VKORC1L1: variants seen among roughly 807,000 people sequenced by gnomAD.
The protein encoded by VKORC1L1 is vitamin K epoxide reductase complex subunit 1L1, also known as vitamin K epoxide reductase complex subunit 1-like protein 1.
A neutral mutation model predicts 18.9 loss-of-function variants in VKORC1L1; 2 were observed. The observed-to-expected ratio is 0.11, with a 90% CI of 0.04 to 0.33. The LOEUF (loss-of-function observed/expected upper bound fraction) is 0.33, where lower values mean the gene tolerates loss of function less well. Ranked by LOEUF, VKORC1L1 falls within the 10% of genes least tolerant of loss-of-function variation. The pLI is 1.00. For missense variants in VKORC1L1, 123 were observed against 224.1 expected, an observed-to-expected ratio of 0.55 and a Z score of 2.88; for synonymous variants, 96 against 100.0, an observed-to-expected ratio of 0.96 and a Z score of 0.24.
At chr7:65,904,417 C>T (rs372942499) in intron 1 of VKORC1L1, among the ~76,000 whole-genome samples, 76 of 152,214 alleles carry the variant, frequency 5.0e-4, no homozygotes, top group African/African-American at 1.8e-3. Flanking sequence ...GTTGGCCAGG[C>T]TGGTCTCAAA....
At chr7:65,935,731 A>G (rs1359713179) in intron 1 of VKORC1L1, among the ~76,000 whole-genome samples, 1 of 152,094 alleles carries the variant, frequency 6.6e-6, no homozygotes, top group Admixed American at 6.6e-5. Flanking sequence ...TAGTTTGGTT[A>G]TGATGTGTCT....
In VKORC1L1 at chr7:65,887,696, C is replaced by T. The variant is rs181115623; in HGVS notation, c.194+14131C>T. The stretch of plus-strand genomic sequence containing the variant: ...ATTCAGTAGAATAATTTGTAAATAC[C>T]TTGCTCCTCCTTCAAAGTTAGTTCT... On this transcript the variant is annotated intron_variant, in intron 1 of 2. Transcript: ENST00000360768. Among the ~76,000 whole-genome samples the T allele has an allele frequency of 5.3e-4, 80 of 152,260 alleles. 1 individual carries two copies. The East Asian group carries it at 0.015, about 28-fold the overall frequency.
In VKORC1L1 at chr7:65,898,077, G is replaced by GTTTTTT. The variant is rs71051319; in HGVS notation, c.194+24536_194+24541dup. 3.6e-4 allele frequency among the ~76,000 whole-genome samples: 30 copies of GTTTTTT among 83,000 alleles called. 2 individuals are homozygous for GTTTTTT. The highest frequency in any genetic ancestry group is 1.2e-3 in the East Asian group (3 of 2,458). 54.5% of individuals were successfully genotyped at this position (83,000 alleles called of 152,430 possible). A position where few individuals can be genotyped will look rare whatever the true frequency, so the allele number is the denominator to read the frequency against. On this transcript the variant is annotated intron_variant, in intron 1 of 2. Coordinates refer to ENST00000360768, the MANE Select transcript of VKORC1L1 (RefSeq NM_173517.6). ...CAGTCATACAGTAAATTTGTAGCAGGTTTTTTTTTTTTTTTTTTTTTTTTT... is the reference window on the plus strand; with the variant it reads ...CAGTCATACAGTAAATTTGTAGCAGGTTTTTTTTTTTTTTTTTTTTTTTTTTTTTTT...
chr7:65,903,397 C>G (rs533836631), intron 1 of VKORC1L1, among the ~76,000 whole-genome samples: 2 of 150,694 alleles, frequency 1.3e-5, no homozygotes, highest in South Asian at 2.1e-4. Flanking sequence ...AAACTCCTGA[C>G]CTTGTGATCT....
Position 65,951,442 on chromosome 7 carries a change from C to T in VKORC1L1, c.305-2632C>T, listed in dbSNP as rs532505178. ...TACAAAAATTAGCCAGGTGTGGTGC[C>T]GCACACCTGTAATCCCAGCTACTTG... On this transcript the variant is annotated intron_variant, in intron 2 of 2. Coordinates refer to ENST00000360768, the MANE Select transcript of VKORC1L1 (RefSeq NM_173517.6). Among the ~76,000 whole-genome samples, 329 of 151,706 alleles carry T rather than the reference C, an allele frequency of 2.2e-3. 2 individuals carry two copies. Among genetic ancestry groups the T allele is most frequent in the African/African-American group, 5.9e-3 (242 of 41,318 alleles).
At chr7:65,907,424 T>A (rs777568828) in intron 1 of VKORC1L1, among the ~76,000 whole-genome samples, 1 of 152,172 alleles carries the variant, frequency 6.6e-6, no homozygotes, top group Non-Finnish European at 1.5e-5. Flanking sequence ...GGTGAGACTC[T>A]GTCTCAATAA....
Position 65,936,814 on chromosome 7 carries a change from T to G in VKORC1L1, c.195-11857T>G, listed in dbSNP as rs912723076. On this transcript the variant is annotated intron_variant, in intron 1 of 2. Coordinates refer to ENST00000360768, the MANE Select transcript of VKORC1L1 (RefSeq NM_173517.6). ...AAAGATGGGTTTCTCTCAGACAGTT[T>G]TAACCTCCTTCTCTGTCACACAGTT... Among the ~76,000 whole-genome samples the G allele has an allele frequency of 2.0e-5, 3 of 152,232 alleles. No homozygotes were observed. The East Asian group carries it at 5.8e-4, about 29-fold the overall frequency.
At chr7:65,949,160 C>T (rs2115738130) in intron 2 of VKORC1L1, among the ~76,000 whole-genome samples, 1 of 152,248 alleles carries the variant, frequency 6.6e-6, no homozygotes, top group African/African-American at 2.4e-5. Context: ...TACATATCCA[C>T]TATTTCCACA....
At position 65,928,254 on chromosome 7, in the gene VKORC1L1, C is replaced by CTT. The variant is rs760146385; in HGVS notation, c.195-20398_195-20397dup. On this transcript the variant is annotated intron_variant, in intron 1 of 2. Coordinates refer to ENST00000360768, the MANE Select transcript of VKORC1L1 (RefSeq NM_173517.6). ...ATCCCTACCCCTACCTTTTTTCCTTCTTTTTTTTTTTTTTTTTTTTCAGAT... is the reference window on the plus strand; with the variant it reads ...ATCCCTACCCCTACCTTTTTTCCTTCTTTTTTTTTTTTTTTTTTTTTTCAGAT... Among the ~76,000 whole-genome samples, 48 of 106,220 alleles carry CTT rather than the reference C, an allele frequency of 4.5e-4. 1 individual carries two copies. Among genetic ancestry groups the CTT allele is most frequent in the South Asian group, 1.5e-3 (5 of 3,242 alleles). The allele number at this position is 106,220 out of a possible 152,430, so 69.7% of individuals were successfully genotyped here. A position where few individuals can be genotyped will look rare whatever the true frequency, so the allele number is the denominator to read the frequency against.
intron 1 of VKORC1L1, among the ~76,000 whole-genome samples, chr7:65,898,077 G>GTT (rs71051319): frequency 0.058 from 4,797 of 82,810 alleles, 1,150 homozygotes; most frequent in Non-Finnish European, 0.084. Context: ...TTTGTAGCAG[G>GTT]TTTTTTTTTT....
intron 1 of VKORC1L1, among the ~76,000 whole-genome samples, chr7:65,940,133 A>T (rs765001263): frequency 6.6e-6 from 1 of 151,976 alleles, no homozygotes; most frequent in Non-Finnish European, 1.5e-5. Flanking sequence ...CAAGCAGTCA[A>T]CCTACCCCAG....
At chr7:65,944,182 C>T (rs68189316) in intron 1 of VKORC1L1, among the ~76,000 whole-genome samples, 1 of 151,850 alleles carries the variant, frequency 6.6e-6, no homozygotes, top group African/African-American at 2.4e-5. Context: ...GCCTGGGCAA[C>T]ATGATGAAAC....
intron 1 of VKORC1L1, among the ~76,000 whole-genome samples, chr7:65,886,868 G>A (rs1428539278): frequency 2.8e-5 from 1 of 35,442 alleles, no homozygotes; most frequent in Admixed American, 3.4e-4. Context: ...TTTTTTTTCT[G>A]AGACAGATTG....
At chr7:65,904,825 C>T (rs962307350) in intron 1 of VKORC1L1, among the ~76,000 whole-genome samples, 1 of 152,064 alleles carries the variant, frequency 6.6e-6, no homozygotes, top group Non-Finnish European at 1.5e-5. Flanking sequence ...GTTAAAAATA[C>T]AAGAGAAGAT....
chr7:65,904,496 T>C (rs923353762), intron 1 of VKORC1L1, among the ~76,000 whole-genome samples: 1 of 152,300 alleles, frequency 6.6e-6, no homozygotes, highest in African/African-American at 2.4e-5. Context: ...TGAGCTACCG[T>C]GCCTGGCAGA....
At chr7:65,900,282 C>T (rs909967722) in intron 1 of VKORC1L1, among the ~76,000 whole-genome samples, 46 of 150,818 alleles carry the variant, frequency 3.1e-4, no homozygotes, top group Admixed American at 1.5e-3. Flanking sequence ...CTCAGCTACT[C>T]GGGAGGCTGA....
At chr7:65,881,081 A>G (rs867484638) in intron 1 of VKORC1L1, among the ~76,000 whole-genome samples, 27 of 152,140 alleles carry the variant, frequency 1.8e-4, no homozygotes, top group Admixed American at 7.2e-4. Flanking sequence ...ATCTGAAAAA[A>G]TCCCAAATCC....
chr7:65,939,681 A>G (rs945596922), intron 1 of VKORC1L1, among the ~76,000 whole-genome samples: 3 of 152,182 alleles, frequency 2.0e-5, no homozygotes, highest in Non-Finnish European at 2.9e-5. Context: ...TCTGCCGGAA[A>G]CAAGGCTTAG....
At chr7:65,912,054 A>T (rs549846321) in intron 1 of VKORC1L1, among the ~76,000 whole-genome samples, 3 of 152,276 alleles carry the variant, frequency 2.0e-5, no homozygotes, top group Admixed American at 2.0e-4. Flanking sequence ...AGCCTGGGAA[A>T]CAGAGGTTGC....
Sources: allele counts gnomAD v4.1 joint callset (sites outside exome capture counted in the v4.1 genomes callset), GRCh38; gene constraint gnomAD v4.1.1; transcripts MANE v1.5; gene names NCBI Gene and HGNC (gene_info 2026-07-23, HGNC 2026-07-21).